GOPC: variants seen among roughly 807,000 people sequenced by gnomAD.
GOPC encodes Golgi-associated PDZ and coiled-coil motif-containing protein.
GOPC carries 32 observed loss-of-function variants against 51.2 expected under a neutral mutation model. The observed-to-expected ratio is 0.63, with a 90% CI of 0.47 to 0.84. The LOEUF (loss-of-function observed/expected upper bound fraction) is 0.84, where lower values mean the gene tolerates loss of function less well. GOPC is among the 40% of genes least tolerant of loss of function. The probability of loss-of-function intolerance (pLI) is 0.00; values close to 1 mark genes in which losing one functional copy is unlikely to be tolerated. For synonymous variants in GOPC, 190 were observed against 205.1 expected (o/e 0.93, Z 0.63); for missense variants, 441 against 555.5 (o/e 0.79, Z 2.07).
At position 117,561,686 on chromosome 6, in the gene GOPC, A is replaced by G. The variant is rs1019466229; in HGVS notation, c.*1568T>C. The G allele has an allele frequency of 5.9e-5, 12 of 204,846 alleles. No individual in the cohort carries two copies. Among genetic ancestry groups the G allele is most frequent in the Admixed American group, 1.8e-4 (3 of 16,784 alleles). 12.7% of individuals were successfully genotyped at this position (204,846 alleles called of 1,614,324 possible). ...AAATACTAGCTTTTGCTCAGAGACA[A>G]TGCTATAAAGTATTTTAATGTCAGT... is the stretch of plus-strand genomic sequence containing the variant. On this transcript the variant is annotated 3_prime_UTR_variant, in exon 9 of 9. Transcript: ENST00000368498.
At chr6:117,592,170 G>A (rs1780128303) in intron 1 of GOPC, among the ~76,000 whole-genome samples, 1 of 152,056 alleles carries the variant, frequency 6.6e-6, no homozygotes, top group East Asian at 1.9e-4. Flanking sequence ...AGTTCGAGAC[G>A]AACCTGGCCA....
chr6:117,562,608 T>G lies in GOPC; in HGVS notation c.*646A>C, dbSNP rs1039590036. 2.5e-5 allele frequency: 5 copies of G among 202,600 alleles called. No individual in the cohort carries two copies. Among genetic ancestry groups the G allele is most frequent in the African/African-American group, 6.9e-5 (3 of 43,702 alleles). 12.6% of individuals were successfully genotyped at this position (202,600 alleles called of 1,614,324 possible). A position where few individuals can be genotyped will look rare whatever the true frequency, so the allele number is the denominator to read the frequency against. ...GTTTAGTAACTTTTGAGAATCTATTTCTAGTGCAGCATTGATTGATAAAAG... is the reference window on the plus strand; with the variant it reads ...GTTTAGTAACTTTTGAGAATCTATTGCTAGTGCAGCATTGATTGATAAAAG... On this transcript the variant is annotated 3_prime_UTR_variant, in exon 9 of 9. Coordinates refer to ENST00000368498, the MANE Select transcript of GOPC (RefSeq NM_020399.4).
chr6:117,575,138 T>G (rs753207735), intron 4 of GOPC, 39 bp downstream of exon 4: 3 of 1,435,766 alleles, frequency 2.1e-6, no homozygotes, highest in Admixed American at 2.2e-5. Flanking sequence ...ATATCCAATT[T>G]GTCACTTAAG....
chr6:117,581,622 TATAAG>T (rs1450292622), intron 1 of GOPC, among the ~76,000 whole-genome samples: 3 of 152,232 alleles, frequency 2.0e-5, no homozygotes, highest in African/African-American at 4.8e-5. Context: ...TGAGTATGCT[TATAAG>T]ATTTGTTCAT....
At chr6:117,597,482 C>G (rs2114630887) in intron 1 of GOPC, among the ~76,000 whole-genome samples, 1 of 152,180 alleles carries the variant, frequency 6.6e-6, no homozygotes, top group Non-Finnish European at 1.5e-5. Flanking sequence ...CTTTTTTCTT[C>G]CACAGTGCCA....
chr6:117,597,070 G>A (rs919426204), intron 1 of GOPC, among the ~76,000 whole-genome samples: 4 of 152,110 alleles, frequency 2.6e-5, no homozygotes, highest in Admixed American at 1.3e-4. Flanking sequence ...TTTCAGCAGT[G>A]TTTTATAGTT....
At chr6:117,576,368 C>A (rs1779881366) in intron 3 of GOPC, among the ~76,000 whole-genome samples, 1 of 151,988 alleles carries the variant, frequency 6.6e-6, no homozygotes, top group Admixed American at 6.6e-5. Context: ...CTAGAATCCT[C>A]CTTTTAACAT....
At chr6:117,576,997 C>A (rs1355225591) in intron 3 of GOPC, among the ~76,000 whole-genome samples, 1 of 149,818 alleles carries the variant, frequency 6.7e-6, no homozygotes, top group African/African-American at 2.5e-5. Flanking sequence ...AAAGGCCATA[C>A]GATTATTCTC....
chr6:117,578,178 C>T (rs1457648432), intron 2 of GOPC, among the ~76,000 whole-genome samples: 1 of 152,040 alleles, frequency 6.6e-6, no homozygotes, highest in Admixed American at 6.6e-5. Flanking sequence ...TACCCAATTC[C>T]ATTTCTTACT....
intron 1 of GOPC, among the ~76,000 whole-genome samples, chr6:117,581,770 T>C (rs1340267665): frequency 6.6e-6 from 1 of 152,250 alleles, no homozygotes; most frequent in African/African-American, 2.4e-5. Flanking sequence ...TCATTCTACT[T>C]TGGATGGGCA....
intron 3 of GOPC, among the ~76,000 whole-genome samples, chr6:117,576,304 A>C (rs968173928): frequency 1.3e-5 from 2 of 152,032 alleles, no homozygotes; most frequent in Admixed American, 6.6e-5. Flanking sequence ...TGGGAAAAAA[A>C]AGATTAGAAC....
chr6:117,570,756 TA>T, intron 6 of GOPC, 103 bp downstream of exon 6: 1 of 442,064 alleles, frequency 2.3e-6, no homozygotes, highest in Non-Finnish European at 3.9e-6. Flanking sequence ...TTTAGTTATT[TA>T]AAAAATATAT....
intron 1 of GOPC, among the ~76,000 whole-genome samples, chr6:117,582,610 C>T (rs1330431673): frequency 6.6e-6 from 1 of 151,426 alleles, no homozygotes; most frequent in African/African-American, 2.4e-5. Flanking sequence ...GAGATGGTAG[C>T]TGGACATCGG....
Position 117,602,304 on chromosome 6 carries a change from C to G in GOPC, c.-16G>C. ...CCGCCGACATGGCGCCGTCAAGGGC[C>G]TCTCCCGACTGCTGAAGACCCTCGC... On this transcript the variant is annotated 5_prime_UTR_variant, in exon 1 of 9. Transcript: ENST00000368498. The G allele has an allele frequency of 6.4e-7, 1 of 1,572,712 alleles. No individual in the cohort carries two copies. Among genetic ancestry groups the G allele is most frequent in the Non-Finnish European group, 8.6e-7 (1 of 1,167,390 alleles).
At chr6:117,576,675 C>G (rs1170098810) in intron 3 of GOPC, among the ~76,000 whole-genome samples, 2 of 152,008 alleles carry the variant, frequency 1.3e-5, no homozygotes, top group Non-Finnish European at 2.9e-5. Context: ...ATTCAAATCC[C>G]TAATGAATCT....
intron 8 of GOPC, 119 bp from the exon 9 acceptor site, chr6:117,563,503 C>T (rs1175819290): frequency 2.2e-6 from 2 of 904,852 alleles, no homozygotes; most frequent in East Asian, 4.9e-5. Flanking sequence ...GGGTGGATAA[C>T]CTGAGGTTAG....
At chr6:117,575,456 A>C (rs1779866666) in intron 3 of GOPC, 104 bp from the exon 4 acceptor site, 1 of 866,034 alleles carries the variant, frequency 1.2e-6, no homozygotes, top group African/African-American at 1.6e-5. Flanking sequence ...ACAATGTATC[A>C]TCTCTATAAA....
In GOPC at chr6:117,562,292, TAGAA is replaced by T. The variant is rs1046943572; in HGVS notation, c.*958_*961del. 10 of 205,528 alleles carry T rather than the reference TAGAA, an allele frequency of 4.9e-5. No individual in the cohort carries two copies. The highest frequency in any genetic ancestry group is 2.3e-4 in the African/African-American group (10 of 43,910). 12.7% of individuals were successfully genotyped at this position (205,528 alleles called of 1,614,324 possible). On this transcript the variant is annotated 3_prime_UTR_variant, in exon 9 of 9. Coordinates refer to ENST00000368498, the MANE Select transcript of GOPC (RefSeq NM_020399.4). ...TTTAGATGACTGGAAATCATTTACT[TAGAA>T]AGAAAACTGCCGTTTGATTTGAATG...
At chr6:117,585,206 A>G (rs1446591430) in intron 1 of GOPC, among the ~76,000 whole-genome samples, 1 of 152,194 alleles carries the variant, frequency 6.6e-6, no homozygotes, top group Non-Finnish European at 1.5e-5. Flanking sequence ...TTTCCTATTA[A>G]TCCACTTGCC....
Sources: allele counts gnomAD v4.1 joint callset (sites outside exome capture counted in the v4.1 genomes callset), GRCh38; gene constraint gnomAD v4.1.1; transcripts MANE v1.5; gene names NCBI Gene and HGNC (gene_info 2026-07-23, HGNC 2026-07-21).